The following TAF8 variants were observed in gnomAD, a reference collection of about 807,000 sequenced individuals.
TAF8 encodes transcription initiation factor TFIID subunit 8.
A neutral mutation model predicts 36.5 loss-of-function variants in TAF8; 47 were observed. That is an observed-to-expected ratio of 1.29 (90% CI 1.02 to 1.64). The LOEUF (loss-of-function observed/expected upper bound fraction) is 1.64. Among genes scored for constraint, TAF8 ranks in the 40% most tolerant of loss-of-function variants. The pLI is 0.00. For missense variants in TAF8, 420 were observed against 407.6 expected (o/e 1.03, Z -0.26); for synonymous variants, 175 against 159.5 (o/e 1.10, Z -0.73).
chr6:42,059,406 C>A (rs1765116583), intron 5 of TAF8, among the ~76,000 whole-genome samples: 1 of 151,176 alleles, frequency 6.6e-6, no homozygotes, highest in African/African-American at 2.4e-5. Flanking sequence ...AAAAAGAAAT[C>A]ATAGGGACTC....
rs1286689998 is a variant in TAF8, at chr6:42,050,555, C to T, written c.14C>T (p.Ala5Val). MADA[A>V]ATAGAGGSGT... ...CGCCAGAACAAGATGGCCGACGCGG[C>T]GGCCACAGCTGGGGCCGGTGGCTCC... The change falls in exon 1 of 9, where the codon GCG becomes GTG. Residue 5 changes from alanine to valine, a missense_variant. Ala to Val is a moderately conservative substitution (Grantham distance 64). Coordinates refer to ENST00000372977, the MANE Select transcript of TAF8 (RefSeq NM_138572.3). The T allele has an allele frequency of 5.8e-6, 9 of 1,555,778 alleles. No individual in the cohort carries two copies. The Admixed American group carries it at 7.8e-5, about 14-fold the overall frequency.
intron 7 of TAF8, among the ~76,000 whole-genome samples, chr6:42,076,889 C>T (rs979106673): frequency 9.9e-5 from 15 of 152,168 alleles, no homozygotes; most frequent in African/African-American, 3.6e-4. Flanking sequence ...TGTGTGCTCT[C>T]TTGGGTCAAG....
At chr6:42,069,581 G>T (rs948771435) in intron 7 of TAF8, among the ~76,000 whole-genome samples, 3 of 152,218 alleles carry the variant, frequency 2.0e-5, no homozygotes, top group Admixed American at 6.6e-5. Context: ...TAGAACAGGT[G>T]TGTGGGGGAA....
At chr6:42,086,186 T>C (rs1011251205), downstream of TAF8, among the ~76,000 whole-genome samples, 3 of 152,228 alleles carry the variant, frequency 2.0e-5, no homozygotes, top group African/African-American at 7.2e-5. Context: ...GGACAGCAGC[T>C]ATTGCCAAAT....
At chr6:42,056,533 G>T (rs559083599) in intron 4 of TAF8, among the ~76,000 whole-genome samples, 1 of 152,030 alleles carries the variant, frequency 6.6e-6, no homozygotes, top group Non-Finnish European at 1.5e-5. Flanking sequence ...GTAAACCTGG[G>T]TGCCATAAGC....
chr6:42,079,311 C>T lies in TAF8; in HGVS notation c.*1766C>T. On this transcript the variant is annotated 3_prime_UTR_variant, in exon 9 of 9. Transcript: ENST00000372977. ...AAGAAGCAGGTCTGAGTCTGTCCAA[C>T]CAATTTGTATCCTGTGGGGAGAACA... 1 of 985,398 alleles carries T rather than the reference C, an allele frequency of 1.0e-6. No homozygotes were observed. The highest frequency in any genetic ancestry group is 1.2e-6 in the Non-Finnish European group (1 of 829,928). The allele number at this position is 985,398 out of a possible 1,614,324, so 61.0% of individuals were successfully genotyped here.
At chr6:42,086,542 C>T (rs537014128), downstream of TAF8, among the ~76,000 whole-genome samples, 1 of 152,274 alleles carries the variant, frequency 6.6e-6, no homozygotes, top group Admixed American at 6.5e-5. Flanking sequence ...GTGAGCAACT[C>T]CTTCAGGAAC....
intron 1 of TAF8, 46 bp from the exon 2 acceptor site, chr6:42,051,311 A>G (rs1377319298): frequency 2.5e-6 from 4 of 1,583,100 alleles, no homozygotes; most frequent in Non-Finnish European, 3.5e-6. Context: ...GAACTATGTG[A>G]TTGCATCCTT....
At position 42,082,705 on chromosome 6, in the gene TAF8, G is replaced by A. The variant is rs1343087131; in HGVS notation, c.*5160G>A. 2.0e-5 allele frequency: 3 copies of A among 152,220 alleles called. No homozygotes were observed. Among genetic ancestry groups the A allele is most frequent in the Admixed American group, 2.0e-4 (3 of 15,270 alleles). 9.4% of individuals were successfully genotyped at this position (152,220 alleles called of 1,614,324 possible). The stretch of plus-strand genomic sequence containing the variant: ...AATTCTCTTGAGGTCCATCTAGGTG[G>A]TTGTGTGTATCAGTAGTTCCTTTCT... On this transcript the variant is annotated 3_prime_UTR_variant, in exon 9 of 9. Transcript: ENST00000372977.
At chr6:42,070,150 T>C (rs2127460388) in intron 7 of TAF8, among the ~76,000 whole-genome samples, 1 of 152,070 alleles carries the variant, frequency 6.6e-6, no homozygotes, top group African/African-American at 2.4e-5. Context: ...CTGTCCCTTA[T>C]AGCAGCCACT....
rs540481483 is a variant in TAF8, at chr6:42,078,248, G to A, written c.*703G>A. The A allele has an allele frequency of 1.9e-4, 187 of 985,458 alleles. 2 individuals are homozygous for A. In the African/African-American group the frequency reaches 3.0e-3, roughly 16 times the overall value. 61.0% of individuals were successfully genotyped at this position (985,458 alleles called of 1,614,324 possible). A position where few individuals can be genotyped will look rare whatever the true frequency, so the allele number is the denominator to read the frequency against. ...GGGCATAGCAGCAGCCAGTGACTTC[G>A]TTCATTATCACAGGATTTGATTCCT... On this transcript the variant is annotated 3_prime_UTR_variant, in exon 9 of 9. Transcript: ENST00000372977.
intron 7 of TAF8, among the ~76,000 whole-genome samples, chr6:42,072,087 T>C (rs1465757259): frequency 6.6e-6 from 1 of 152,226 alleles, no homozygotes. Context: ...CGCCTTAGTC[T>C]ATTTTCTTGT....
downstream of TAF8, chr6:42,086,952 G>C: frequency 3.2e-6 from 2 of 630,828 alleles, no homozygotes; most frequent in Non-Finnish European, 5.7e-6. Context: ...AGCCAACCCA[G>C]AGGATGTAGA....
At position 42,080,149 on chromosome 6, in the gene TAF8, G is replaced by GT; in HGVS notation, c.*2607dup. 1 of 985,398 alleles carries GT rather than the reference G, an allele frequency of 1.0e-6. No homozygotes were observed. The highest frequency in any genetic ancestry group is 1.2e-6 in the Non-Finnish European group (1 of 829,950). The allele number at this position is 985,398 out of a possible 1,614,324, so 61.0% of individuals were successfully genotyped here. A position where few individuals can be genotyped will look rare whatever the true frequency, so the allele number is the denominator to read the frequency against. ...TTCTTAGCGATTCTTGGCCTGATAA[G>GT]TTTATGAACACAGCCCCACATTCAA... On this transcript the variant is annotated 3_prime_UTR_variant, in exon 9 of 9. Transcript: ENST00000372977.
At position 42,078,877 on chromosome 6, in the gene TAF8, T is replaced by G. The variant is rs564848334; in HGVS notation, c.*1332T>G. The G allele has an allele frequency of 1.4e-3, 1,378 of 981,572 alleles. 3 individuals are homozygous for G. Among genetic ancestry groups the G allele is most frequent in the Non-Finnish European group, 1.4e-3 (1,192 of 826,502 alleles). 60.8% of individuals were successfully genotyped at this position (981,572 alleles called of 1,614,324 possible). A position where few individuals can be genotyped will look rare whatever the true frequency, so the allele number is the denominator to read the frequency against. Reference sequence around the variant, plus strand: ...TGGCTCACGCCTGTAATCCCAGCACTTCGGGAGGCGAAGGCAGGTGGATCA... The same window carrying G: ...TGGCTCACGCCTGTAATCCCAGCACGTCGGGAGGCGAAGGCAGGTGGATCA... On this transcript the variant is annotated 3_prime_UTR_variant, in exon 9 of 9. Transcript: ENST00000372977.
chr6:42,079,359 C>T lies in TAF8; in HGVS notation c.*1814C>T. On this transcript the variant is annotated 3_prime_UTR_variant, in exon 9 of 9. Coordinates refer to ENST00000372977, the MANE Select transcript of TAF8 (RefSeq NM_138572.3). Reference sequence around the variant, plus strand: ...ACAACTTCATTCTTAACATACCCTACAAACCAGAAAACAAGTTTTTAAGGA... The same window carrying T: ...ACAACTTCATTCTTAACATACCCTATAAACCAGAAAACAAGTTTTTAAGGA... 1.0e-6 allele frequency: 1 copy of T among 985,396 alleles called. No homozygotes were observed. Among genetic ancestry groups the T allele is most frequent in the Non-Finnish European group, 1.2e-6 (1 of 829,924 alleles). The allele number at this position is 985,396 out of a possible 1,614,324, so 61.0% of individuals were successfully genotyped here.
intron 5 of TAF8, chr6:42,063,825 A>G (rs1280165083): frequency 6.7e-6 from 1 of 150,370 alleles, no homozygotes; most frequent in Non-Finnish European, 1.5e-5. Context: ...TGGTGTAATC[A>G]TGGCACTACA....
At chr6:42,059,150 G>A (rs1395256802) in intron 5 of TAF8, among the ~76,000 whole-genome samples, 3 of 152,010 alleles carry the variant, frequency 2.0e-5, no homozygotes, top group East Asian at 1.9e-4. Flanking sequence ...TTGGGAGGCC[G>A]AGGTGGGGGG....
In TAF8 at chr6:42,078,165, C is replaced by T. The variant is rs1765818883; in HGVS notation, c.*620C>T. ...TCGGCCTCCCAAAGTGCTGAGATTA[C>T]AGGCGTGAGCCACCGCACCCCACCA... On this transcript the variant is annotated 3_prime_UTR_variant, in exon 9 of 9. Coordinates refer to ENST00000372977, the MANE Select transcript of TAF8 (RefSeq NM_138572.3). The T allele has an allele frequency of 4.8e-5, 47 of 983,646 alleles. No homozygotes were observed. Among genetic ancestry groups the T allele is most frequent in the Non-Finnish European group, 5.4e-5 (45 of 828,212 alleles). The allele number at this position is 983,646 out of a possible 1,614,324, so 60.9% of individuals were successfully genotyped here.
Sources: allele counts gnomAD v4.1 joint callset (sites outside exome capture counted in the v4.1 genomes callset), GRCh38; gene constraint gnomAD v4.1.1; transcripts MANE v1.5; gene names NCBI Gene and HGNC (gene_info 2026-07-23, HGNC 2026-07-21).